Variants in SDF4 observed in about 807,000 individuals in gnomAD.
SDF4 encodes the protein 45 kDa calcium-binding protein.
Under a neutral mutation model 34.2 loss-of-function variants are expected in SDF4, and 22 were observed. That is an observed-to-expected ratio of 0.64 (90% CI 0.46 to 0.92). The LOEUF is 0.92. Ranked by LOEUF, SDF4 falls within the 40% of genes least tolerant of loss-of-function variation. SDF4 has a pLI of 0.00. For synonymous variants in SDF4, 236 were observed against 203.1 expected (o/e 1.16, Z -1.38); for missense variants, 447 against 499.9 (o/e 0.89, Z 1.01).
intron 4 of SDF4, chr1:1,220,579 A>G (rs1464494834): frequency 1.5e-5 from 19 of 1,284,152 alleles, no homozygotes; most frequent in Non-Finnish European, 1.9e-5. Context: ...GCCAAGACGG[A>G]TCGGACACGG....
At position 1,223,693 on chromosome 1, in the gene SDF4, A is replaced by G. The variant is rs1650114287; in HGVS notation, c.442+139T>C. 1.2e-5 allele frequency: 10 copies of G among 826,542 alleles called. No individual in the cohort carries two copies. In the Admixed American group the frequency reaches 2.0e-4, roughly 16 times the overall value. 51.2% of individuals were successfully genotyped at this position (826,542 alleles called of 1,614,324 possible). On this transcript the variant is annotated intron_variant, in intron 3 of 6. Coordinates refer to ENST00000360001, the MANE Select transcript of SDF4 (RefSeq NM_016176.6). ...GAACCCAGCTTCCGTGCACCCCACC[A>G]CACCTCGGGGTCTCCGGCTGACACT...
Position 1,217,716 on chromosome 1 carries a change from G to A in SDF4, c.892-28C>T, listed in dbSNP as rs775904912. The A allele has an allele frequency of 1.8e-5, 29 of 1,612,436 alleles. No homozygotes were observed. Among genetic ancestry groups the A allele is most frequent in the East Asian group, 1.6e-4 (7 of 44,800 alleles). On this transcript the variant is annotated intron_variant, in intron 6 of 6. Transcript: ENST00000360001. This position sits in a 1 kb window ranked among gnomAD's most constrained non-coding sequence, Gnocchi z 8.5. The stretch of plus-strand genomic sequence containing the variant: ...GCGGGCGAGCGGGGCACAGGTCAGC[G>A]TCGCCTTTCCCCCTCCGAGCTCCGC...
rs920375146 is a variant in SDF4, at chr1:1,218,105, C to T, written c.891+353G>A. On this transcript the variant is annotated intron_variant, in intron 6 of 6. Transcript: ENST00000360001. The surrounding 1 kb of genome is among the most constrained non-coding windows in gnomAD (Gnocchi z 7.9). The stretch of plus-strand genomic sequence containing the variant: ...TAAATTCCAGCCATGTGGCACAGGC[C>T]GCCCCGCCCACCTGCACCTGCTGGG... 1.3e-5 allele frequency among the ~76,000 whole-genome samples: 2 copies of T among 152,236 alleles called. No individual in the cohort carries two copies. Among genetic ancestry groups the T allele is most frequent in the Non-Finnish European group, 2.9e-5 (2 of 68,038 alleles).
chr1:1,219,185 C>A, intron 4 of SDF4: 3 of 1,323,874 alleles, frequency 2.3e-6, no homozygotes, highest in Non-Finnish European at 2.9e-6. Context: ...ACAGCCCGGA[C>A]TCCCCAAGAC....
chr1:1,225,965 T>C (rs1433906088), intron 2 of SDF4, among the ~76,000 whole-genome samples: 1 of 152,202 alleles, frequency 6.6e-6, no homozygotes, highest in East Asian at 1.9e-4. Context: ...CACACGCAAG[T>C]GCACAGGCCG....
Position 1,228,677 on chromosome 1 carries a change from G to A in SDF4, c.96C>T (p.Ala32=). The A allele has an allele frequency of 6.2e-7, 1 of 1,613,046 alleles. No individual in the cohort carries two copies. Among genetic ancestry groups the A allele is most frequent in the Non-Finnish European group, 8.5e-7 (1 of 1,180,022 alleles). Residue 32 remains alanine, a synonymous_variant, in exon 2 of 7, where the codon GCC becomes GCT. Coordinates refer to ENST00000360001, the MANE Select transcript of SDF4 (RefSeq NM_016176.6). ...VLLMDASARP[A]NHSSTRERVA... ...CTCTCTCTCGAGTGGACGAGTGGTT[G>A]GCAGGCCGTGCAGACGCGTCCATCA...
In SDF4 at chr1:1,218,650, G is replaced by A. The variant is rs377044888; in HGVS notation, c.716-17C>T. The A allele has an allele frequency of 5.9e-5, 95 of 1,613,394 alleles. No individual in the cohort carries two copies. The highest frequency in any genetic ancestry group is 7.3e-5 in the Non-Finnish European group (86 of 1,179,830). ...CGTCCTGGTCTGCGAGACGGGAATG[G>A]GTCAGCCCACACCCAGGCTGGGGCT... On this transcript the variant is annotated splice_polypyrimidine_tract_variant and intron_variant, in intron 5 of 6. Transcript: ENST00000360001. The surrounding 1 kb of genome is among the most constrained non-coding windows in gnomAD (Gnocchi z 7.9).
intron 2 of SDF4, among the ~76,000 whole-genome samples, chr1:1,226,539 G>A (rs1208762733): frequency 6.6e-6 from 1 of 152,258 alleles, no homozygotes; most frequent in Non-Finnish European, 1.5e-5. Flanking sequence ...AGAGGAGACA[G>A]AGGAGACAGG....
Position 1,223,317 on chromosome 1 carries a change from C to G in SDF4, c.483G>C (p.Ala161=). ...CCTCCTTCTCGCTATGGCCTTTACT[C>G]GCCAAAAACTTCACCTTATACTCGT... The part of the protein sequence containing the change: ...SWDEYKVKFL[A]SKGHSEKEVA... The change falls in exon 4 of 7, where the codon GCG becomes GCC. Residue 161 remains alanine (A), a synonymous_variant. Coordinates refer to ENST00000360001, the MANE Select transcript of SDF4 (RefSeq NM_016176.6). 1 of 1,613,912 alleles carries G rather than the reference C, an allele frequency of 6.2e-7. No individual in the cohort carries two copies. The highest frequency in any genetic ancestry group is 1.7e-5 in the Admixed American group (1 of 60,002).
chr1:1,229,940 CAT>C (rs143841174), intron 1 of SDF4, among the ~76,000 whole-genome samples: 17,704 of 152,246 alleles, frequency 0.12, 1,186 homozygotes, highest in African/African-American at 0.17. Context: ...GTATTACACA[CAT>C]GTGCCCTTGC....
chr1:1,220,172 T>TG, intron 4 of SDF4: 2 of 989,008 alleles, frequency 2.0e-6, no homozygotes, highest in Non-Finnish European at 2.4e-6. Context: ...GAAGAAGCCT[T>TG]GAGTCCCAGT....
chr1:1,218,664 C>T lies in SDF4; in HGVS notation c.716-31G>A. The T allele has an allele frequency of 6.2e-7, 1 of 1,612,942 alleles. No homozygotes were observed. Among genetic ancestry groups the T allele is most frequent in the Non-Finnish European group, 8.5e-7 (1 of 1,179,520 alleles). ...AGACGGGAATGGGTCAGCCCACACCCAGGCTGGGGCTCCCGCAGGACCTGC... is the reference window on the plus strand; with the variant it reads ...AGACGGGAATGGGTCAGCCCACACCTAGGCTGGGGCTCCCGCAGGACCTGC... On this transcript the variant is annotated intron_variant, in intron 5 of 6. Transcript: ENST00000360001. The surrounding 1 kb of genome is among the most constrained non-coding windows in gnomAD (Gnocchi z 7.9).
At chr1:1,228,022 C>T (rs1373681132) in intron 2 of SDF4, among the ~76,000 whole-genome samples, 5 of 152,220 alleles carry the variant, frequency 3.3e-5, no homozygotes, top group African/African-American at 9.6e-5. Flanking sequence ...GGGTAGAGGG[C>T]GTGTCAGGAG....
intron 2 of SDF4, among the ~76,000 whole-genome samples, chr1:1,225,975 G>A (rs561057470): frequency 2.5e-4 from 38 of 152,218 alleles, no homozygotes; most frequent in African/African-American, 9.2e-4. Context: ...TGCACAGGCC[G>A]GTACCCACGT....
At chr1:1,223,126 C>T (rs762384568) in intron 4 of SDF4, 118 bp downstream of exon 4, 2 of 739,418 alleles carry the variant, frequency 2.7e-6, no homozygotes, top group South Asian at 1.6e-5. Context: ...CACGTACTCA[C>T]GAGCACACGC....
rs375984056 is a variant in SDF4, at chr1:1,228,808, G to C, written c.-36C>G. ...GGCCAGACCATGGGGCGGGCTGCAG[G>C]GTGTGGGCCAGGTGCTGGGAGGGGC... On this transcript the variant is annotated 5_prime_UTR_variant, in exon 2 of 7. Transcript: ENST00000360001. 1 of 1,565,024 alleles carries C rather than the reference G, an allele frequency of 6.4e-7. No homozygotes were observed. The highest frequency in any genetic ancestry group is 8.6e-7 in the Non-Finnish European group (1 of 1,158,036).
chr1:1,223,547 C>T (rs910794875), intron 3 of SDF4, among the ~76,000 whole-genome samples, 190 bp from the exon 4 acceptor site: 7 of 152,236 alleles, frequency 4.6e-5, no homozygotes, highest in South Asian at 4.1e-4. Context: ...GTCTGTGCCT[C>T]GGGGCCACCA....
intron 2 of SDF4, among the ~76,000 whole-genome samples, chr1:1,226,967 G>GCT (rs1638334055): frequency 6.6e-6 from 1 of 152,158 alleles, no homozygotes; most frequent in Non-Finnish European, 1.5e-5. Context: ...GGGTTGGTCA[G>GCT]CTCACCACCA....
At chr1:1,225,691 C>T (rs959604722) in intron 2 of SDF4, among the ~76,000 whole-genome samples, 5 of 151,996 alleles carry the variant, frequency 3.3e-5, no homozygotes, top group African/African-American at 7.3e-5. Context: ...GCTCCACACG[C>T]GCCACAGACA....
Sources: gnomAD v4.1 joint callset for allele counts (sites outside exome capture counted in the v4.1 genomes callset) on GRCh38, gnomAD v4.1.1 for gene constraint, Gnocchi (gnomAD v3.1) non-coding constraint, MANE v1.5 for transcripts, NCBI Gene and HGNC (gene_info 2026-07-23, HGNC 2026-07-21) for gene names.